ARL15: variants seen among roughly 807,000 people sequenced by gnomAD.
The protein encoded by ARL15 is ARF like GTPase 15.
In ARL15, 19 loss-of-function variants were observed where a neutral mutation model predicts 25.2. That is an observed-to-expected ratio of 0.75 (90% confidence interval 0.53 to 1.10). ARL15 has a LOEUF of 1.10. ARL15 is among the 50% of genes least tolerant of loss of function. The pLI is 0.00. For synonymous variants in ARL15, 94 were observed against 86.8 expected (o/e 1.08, Z -0.46); for missense variants, 220 against 246.0 (o/e 0.89, Z 0.71).
chr5:53,934,864 A>G (rs1040159434), intron 4 of ARL15, among the ~76,000 whole-genome samples: 1 of 152,220 alleles, frequency 6.6e-6, no homozygotes, highest in Non-Finnish European at 1.5e-5. Flanking sequence ...ACTGCCTCAA[A>G]TTCAATATTC....
chr5:54,051,933 G>A (rs12654111), intron 4 of ARL15, among the ~76,000 whole-genome samples: 1 of 152,124 alleles, frequency 6.6e-6, no homozygotes, highest in African/African-American at 2.4e-5. Flanking sequence ...CTGCAGTATA[G>A]CTATACAATG....
chr5:54,072,039 A>T (rs1167460116), intron 4 of ARL15, among the ~76,000 whole-genome samples: 5 of 152,128 alleles, frequency 3.3e-5, no homozygotes, highest in Non-Finnish European at 7.4e-5. Context: ...TATAATAATA[A>T]TAATGAAATA....
chr5:54,153,375 C>A (rs758518550), intron 3 of ARL15, among the ~76,000 whole-genome samples: 3 of 152,036 alleles, frequency 2.0e-5, no homozygotes, highest in Non-Finnish European at 2.9e-5. Context: ...TTCTGAGCAA[C>A]CATTGTATTT....
rs554129605 is a variant in ARL15, at chr5:54,010,718, T to A, written c.462+102484A>T. Among the ~76,000 whole-genome samples the A allele has an allele frequency of 5.2e-3, 797 of 152,188 alleles. 3 individuals carry two copies. The highest frequency in any genetic ancestry group is 0.011 in the Admixed American group (167 of 15,276). ...TCAAATCAGTAAAATAAAAAAAATTTTAAAAAAATCAGGCCGGGGGCGGTG... is the reference window on the plus strand; with the variant it reads ...TCAAATCAGTAAAATAAAAAAAATTATAAAAAAATCAGGCCGGGGGCGGTG... On this transcript the variant is annotated intron_variant, in intron 4 of 4. Transcript: ENST00000504924.
intron 1 of ARL15, among the ~76,000 whole-genome samples, chr5:54,277,837 C>T (rs1004776191): frequency 6.6e-6 from 1 of 152,204 alleles, no homozygotes; most frequent in East Asian, 1.9e-4. Flanking sequence ...TAACCAAAAT[C>T]TGTAACCATG....
intron 4 of ARL15, among the ~76,000 whole-genome samples, chr5:53,907,484 A>AT (rs1561143900): frequency 5.6e-3 from 148 of 26,342 alleles, no homozygotes; most frequent in African/African-American, 0.011. Context: ...ATATATATAT[A>AT]TATATTTTTT....
chr5:54,094,013 A>G (rs1393702750), intron 4 of ARL15, among the ~76,000 whole-genome samples: 1 of 152,192 alleles, frequency 6.6e-6, no homozygotes, highest in South Asian at 2.1e-4. Context: ...GTTTAGTCTG[A>G]GAAACAACTC....
At chr5:54,158,632 T>C (rs955671639) in intron 2 of ARL15, among the ~76,000 whole-genome samples, 4 of 152,180 alleles carry the variant, frequency 2.6e-5, no homozygotes, top group Admixed American at 1.3e-4. Context: ...CCCAGCACTT[T>C]GGGAGGCCGA....
intron 3 of ARL15, among the ~76,000 whole-genome samples, chr5:54,118,181 A>C (rs1230448818): frequency 6.6e-6 from 1 of 152,202 alleles, no homozygotes; most frequent in African/African-American, 2.4e-5. Context: ...CCACCTGTTG[A>C]AGAATTTCAG....
At chr5:54,089,606 A>G (rs1752072478) in intron 4 of ARL15, among the ~76,000 whole-genome samples, 1 of 152,210 alleles carries the variant, frequency 6.6e-6, no homozygotes, top group Non-Finnish European at 1.5e-5. Context: ...TCACACTTAA[A>G]GGAAAAATGT....
At chr5:54,298,028 G>A (rs563123335) in intron 1 of ARL15, among the ~76,000 whole-genome samples, 13 of 152,220 alleles carry the variant, frequency 8.5e-5, no homozygotes, top group African/African-American at 2.6e-4. Context: ...TGATCCGCCC[G>A]CCTCGGCCTC....
At chr5:54,236,270 T>C (rs1756802702) in intron 1 of ARL15, among the ~76,000 whole-genome samples, 1 of 152,200 alleles carries the variant, frequency 6.6e-6, no homozygotes. Flanking sequence ...GTCATAGTTA[T>C]GGAAGCATTT....
intron 4 of ARL15, among the ~76,000 whole-genome samples, chr5:54,106,749 A>G (rs1201168361): frequency 1.3e-5 from 2 of 152,072 alleles, no homozygotes; most frequent in African/African-American, 4.8e-5. Context: ...ACAGATATGG[A>G]GGGTTGACTG....
At chr5:54,064,165 C>T (rs1751147602) in intron 4 of ARL15, among the ~76,000 whole-genome samples, 1 of 152,126 alleles carries the variant, frequency 6.6e-6, no homozygotes, top group Non-Finnish European at 1.5e-5. Context: ...ACTATTCCGC[C>T]TCTGTTTCCC....
intron 4 of ARL15, among the ~76,000 whole-genome samples, chr5:53,914,002 G>C (rs1400738391): frequency 6.6e-6 from 1 of 152,064 alleles, no homozygotes; most frequent in Non-Finnish European, 1.5e-5. Flanking sequence ...TGAGGGTTTA[G>C]AATGAACATA....
chr5:53,890,409 C>T (rs188413800), intron 4 of ARL15, among the ~76,000 whole-genome samples: 4 of 152,112 alleles, frequency 2.6e-5, no homozygotes, highest in African/African-American at 7.2e-5. Flanking sequence ...TCAAGATGAA[C>T]ATCTTAAAAA....
intron 4 of ARL15, among the ~76,000 whole-genome samples, chr5:53,907,457 CATATATATATAT>C (rs1174664612): frequency 2.6e-3 from 63 of 23,852 alleles, no homozygotes; most frequent in African/African-American, 0.01. Context: ...CTTAAGAGTT[CATATATATATAT>C]ATATATATAT....
At chr5:54,166,623 T>C (rs544224825) in intron 2 of ARL15, among the ~76,000 whole-genome samples, 2 of 152,280 alleles carry the variant, frequency 1.3e-5, no homozygotes, top group South Asian at 4.1e-4. Context: ...CCCTTTCCAC[T>C]CACCTTCATG....
At chr5:53,900,838 C>A (rs1416247540) in intron 4 of ARL15, among the ~76,000 whole-genome samples, 1 of 152,104 alleles carries the variant, frequency 6.6e-6, no homozygotes, top group South Asian at 2.1e-4. Context: ...TACACATATG[C>A]CTACGGGCAG....
Sources: allele counts gnomAD v4.1 joint callset (sites outside exome capture counted in the v4.1 genomes callset), GRCh38; gene constraint gnomAD v4.1.1; transcripts MANE v1.5; gene names NCBI Gene and HGNC (gene_info 2026-07-23, HGNC 2026-07-21).